Variants in ADGRL2 observed in about 807,000 individuals in gnomAD.
ADGRL2 encodes the protein adhesion G protein-coupled receptor L2.
A neutral mutation model predicts 157.4 loss-of-function variants in ADGRL2; 44 were observed. That is an observed-to-expected ratio of 0.28 (90% CI 0.22 to 0.36). ADGRL2 has a LOEUF of 0.36. Ranked by LOEUF, ADGRL2 falls within the 10% of genes least tolerant of loss-of-function variation. ADGRL2 has a pLI of 1.00. For missense variants in ADGRL2, 1,510 were observed against 1,768.9 expected, an observed-to-expected ratio of 0.85 and a Z score of 2.63; for synonymous variants, 585 against 624.7, an observed-to-expected ratio of 0.94 and a Z score of 0.95.
At chr1:81,916,733 TAATA>T (rs776720564) in intron 3 of ADGRL2, among the ~76,000 whole-genome samples, 73 of 152,148 alleles carry the variant, frequency 4.8e-4, no homozygotes, top group Admixed American at 1.6e-3. Context: ...ATTTAATATT[TAATA>T]AATAATAGCA....
chr1:81,745,875 C>A (rs980936851), intron 1 of ADGRL2, among the ~76,000 whole-genome samples: 1 of 152,092 alleles, frequency 6.6e-6, no homozygotes, highest in East Asian at 1.9e-4. Context: ...TCAGTAAATA[C>A]TCTTGTGATT....
intron 2 of ADGRL2, among the ~76,000 whole-genome samples, chr1:81,516,521 T>C (rs2079181928): frequency 6.6e-6 from 1 of 152,196 alleles, no homozygotes; most frequent in South Asian, 2.1e-4. Flanking sequence ...GCCCCACATG[T>C]TTTCCATGAA....
At chr1:81,546,228 A>T (rs2080014522) in intron 2 of ADGRL2, among the ~76,000 whole-genome samples, 1 of 152,200 alleles carries the variant, frequency 6.6e-6, no homozygotes, top group Non-Finnish European at 1.5e-5. Context: ...CTCTGTAAAT[A>T]TTAAAATTTT....
intron 3 of ADGRL2, among the ~76,000 whole-genome samples, chr1:81,678,110 A>C (rs890374503): frequency 6.6e-6 from 1 of 152,176 alleles, no homozygotes; most frequent in African/African-American, 2.4e-5. Flanking sequence ...GGAAGAATTT[A>C]TCATTCCTGC....
chr1:81,468,131 A>G (rs1363852705), intron 2 of ADGRL2, among the ~76,000 whole-genome samples: 1 of 152,148 alleles, frequency 6.6e-6, no homozygotes, highest in Non-Finnish European at 1.5e-5. Flanking sequence ...TTTCTAGGGA[A>G]AAGAAAATAT....
chr1:81,321,103 A>C (rs548069517), intron 1 of ADGRL2, among the ~76,000 whole-genome samples: 1 of 152,292 alleles, frequency 6.6e-6, no homozygotes, highest in African/African-American at 2.4e-5. Flanking sequence ...TTGCAGTTTT[A>C]TGTTATGGAG....
At chr1:81,682,551 CT>C (rs1212013020) in intron 3 of ADGRL2, among the ~76,000 whole-genome samples, 1 of 152,112 alleles carries the variant, frequency 6.6e-6, no homozygotes, top group Non-Finnish European at 1.5e-5. Flanking sequence ...AAACAAGCGC[CT>C]TTGAATTCTT....
chr1:81,960,061 A>G (rs1654837143), intron 11 of ADGRL2, among the ~76,000 whole-genome samples: 1 of 152,134 alleles, frequency 6.6e-6, no homozygotes, highest in Admixed American at 6.5e-5. Flanking sequence ...TGGCCTCCCA[A>G]AGCGCTGGGA....
At chr1:81,320,334 C>A (rs1434835504) in intron 1 of ADGRL2, among the ~76,000 whole-genome samples, 1 of 152,152 alleles carries the variant, frequency 6.6e-6, no homozygotes, top group Non-Finnish European at 1.5e-5. Context: ...CTTCCAAACT[C>A]CTGTTAATGT....
In ADGRL2 at chr1:81,951,978, G is replaced by C. The variant is rs774668867; in HGVS notation, c.1630G>C (p.Ala544Pro). 4 of 1,607,482 alleles carry C rather than the reference G, an allele frequency of 2.5e-6. No individual in the cohort carries two copies. The highest frequency in any genetic ancestry group is 3.4e-6 in the Non-Finnish European group (4 of 1,176,778). ...TCAGATCAGAAGCGGAGAAAATGCTGCTAGTCTTGCCAATGAACTGGCTAA... is the reference window on the plus strand; with the variant it reads ...TCAGATCAGAAGCGGAGAAAATGCTCCTAGTCTTGCCAATGAACTGGCTAA... The part of the protein sequence containing the change: ...AQKIRSGENA[A>P]SLANELAKHT... The change falls in exon 9 of 24, where the codon GCT (alanine) becomes CCT (proline). Residue 544 changes from alanine to proline, a missense_variant. Around this residue, in one of 4 missense-constraint regions of ADGRL2, gnomAD observed 325 missense variants for 333.2 expected, o/e 0.98. Coordinates refer to ENST00000686636, the MANE Select transcript of ADGRL2 (RefSeq NM_001366006.2).
At chr1:81,461,346 T>G (rs191865725) in intron 2 of ADGRL2, among the ~76,000 whole-genome samples, 4 of 152,114 alleles carry the variant, frequency 2.6e-5, no homozygotes. Flanking sequence ...TTCAAGAACA[T>G]ATCAGATGTT....
chr1:81,324,897 A>G (rs1660787182), intron 1 of ADGRL2, among the ~76,000 whole-genome samples: 1 of 152,034 alleles, frequency 6.6e-6, no homozygotes, highest in African/African-American at 2.4e-5. Context: ...TTGTACTTTT[A>G]GTAGAGACGG....
intron 2 of ADGRL2, among the ~76,000 whole-genome samples, chr1:81,785,598 C>T (rs1376543893): frequency 4.0e-5 from 6 of 151,814 alleles, no homozygotes; most frequent in Non-Finnish European, 8.8e-5. Flanking sequence ...CATGATGGTG[C>T]GCACCTGTAG....
Position 81,602,560 on chromosome 1 carries a change from C to T in ADGRL2, c.-143+21580C>T, listed in dbSNP as rs190268964. 3.5e-4 allele frequency among the ~76,000 whole-genome samples: 53 copies of T among 151,992 alleles called. No individual in the cohort carries two copies. In the East Asian group the frequency reaches 0.01, roughly 30 times the overall value. On this transcript the variant is annotated intron_variant, in intron 3 of 24. Transcript: ENST00000370721. ...TGAGCCGAGATAGAGCCACTGCACT[C>T]CATCCTGGGCAACAGAGCAAGACTC...
chr1:81,372,807 G>A (rs2076184030), intron 1 of ADGRL2, among the ~76,000 whole-genome samples: 1 of 152,168 alleles, frequency 6.6e-6, no homozygotes, highest in South Asian at 2.1e-4. Context: ...CAGGCACACA[G>A]ATTGATGATG....
chr1:81,469,918 C>T (rs1441440287), intron 2 of ADGRL2, among the ~76,000 whole-genome samples: 2 of 152,270 alleles, frequency 1.3e-5, no homozygotes, highest in East Asian at 3.9e-4. Context: ...CAAGCTGTCC[C>T]TAGAATTATG....
chr1:81,762,001 G>A (rs1460033163), intron 2 of ADGRL2: 2 of 152,032 alleles, frequency 1.3e-5, no homozygotes, highest in Non-Finnish European at 2.9e-5. Flanking sequence ...ATAAATGGAT[G>A]CTGTATTCAA....
At chr1:81,751,732 A>T (rs1307816410) in intron 1 of ADGRL2, among the ~76,000 whole-genome samples, 2 of 152,228 alleles carry the variant, frequency 1.3e-5, no homozygotes, top group African/African-American at 4.8e-5. Flanking sequence ...TCAGTTATAA[A>T]GGAAAATATC....
chr1:81,539,028 A>AG (rs1553121683), intron 2 of ADGRL2, among the ~76,000 whole-genome samples: 15,205 of 144,584 alleles, frequency 0.11, 917 homozygotes, highest in Non-Finnish European at 0.13. Flanking sequence ...AAAAAAAAAA[A>AG]GACAACATAA....
Sources: gnomAD v4.1 joint callset for allele counts (sites outside exome capture counted in the v4.1 genomes callset) on GRCh38, gnomAD v4.1.1 for gene constraint, gnomAD v4.1.1 regional missense constraint, MANE v1.5 for transcripts, NCBI Gene and HGNC (gene_info 2026-07-23, HGNC 2026-07-21) for gene names.